GALNT17: variants seen among roughly 807,000 people sequenced by gnomAD.
The protein encoded by GALNT17 is polypeptide N-acetylgalactosaminyltransferase 17.
A neutral mutation model predicts 63.7 loss-of-function variants in GALNT17; 29 were observed. The ratio of observed to expected loss-of-function variants is 0.46; its 90% CI spans 0.34 to 0.62. The LOEUF (loss-of-function observed/expected upper bound fraction) is 0.62. Among genes scored for constraint, GALNT17 ranks in the 20% least tolerant of loss-of-function variants. GALNT17 has a pLI of 0.01. For synonymous variants in GALNT17, 305 were observed against 318.3 expected (o/e 0.96, Z 0.45); for missense variants, 603 against 799.6 (o/e 0.75, Z 2.97).
At chr7:71,661,217 G>C (rs1790903015) in intron 6 of GALNT17, among the ~76,000 whole-genome samples, 1 of 152,206 alleles carries the variant, frequency 6.6e-6, no homozygotes, top group Admixed American at 6.5e-5. Context: ...AGGGCAGGAA[G>C]GGCCAGTGTC....
intron 9 of GALNT17, among the ~76,000 whole-genome samples, chr7:71,685,240 A>C (rs1323995259): frequency 6.6e-6 from 1 of 152,120 alleles, no homozygotes; most frequent in Non-Finnish European, 1.5e-5. Flanking sequence ...GGAAATAATC[A>C]CACAGTTGGC....
At chr7:71,684,474 A>G (rs41456945) in intron 9 of GALNT17, among the ~76,000 whole-genome samples, 5,540 of 152,216 alleles carry the variant, frequency 0.036, 299 homozygotes, top group African/African-American at 0.11. Context: ...AGTGCGGCAT[A>G]CAATGGACTC....
At chr7:71,204,321 T>A (rs751583773) in intron 1 of GALNT17, among the ~76,000 whole-genome samples, 32 of 152,178 alleles carry the variant, frequency 2.1e-4, no homozygotes, top group Non-Finnish European at 3.8e-4. Flanking sequence ...TATTTTGAAA[T>A]CAGGTAGTGT....
At chr7:71,625,287 G>A (rs558100771) in intron 6 of GALNT17, among the ~76,000 whole-genome samples, 1 of 152,078 alleles carries the variant, frequency 6.6e-6, no homozygotes, top group African/African-American at 2.4e-5. Context: ...TGGAATTACA[G>A]ATGTGTGCCA....
intron 3 of GALNT17, among the ~76,000 whole-genome samples, chr7:71,407,342 G>C (rs1176356610): frequency 6.6e-6 from 1 of 152,216 alleles, no homozygotes; most frequent in Non-Finnish European, 1.5e-5. Context: ...CAGCTGACCA[G>C]ACTGGGCTTT....
chr7:71,585,479 T>C (rs1431114358), intron 6 of GALNT17, among the ~76,000 whole-genome samples: 1 of 152,238 alleles, frequency 6.6e-6, no homozygotes, highest in Non-Finnish European at 1.5e-5. Flanking sequence ...TTGTGTATTC[T>C]GAAATACAAT....
intron 1 of GALNT17, among the ~76,000 whole-genome samples, chr7:71,184,057 G>T (rs1284838746): frequency 6.6e-6 from 1 of 152,110 alleles, no homozygotes; most frequent in East Asian, 1.9e-4. Context: ...TCGTTAACGA[G>T]GTAATTAAAT....
intron 9 of GALNT17, among the ~76,000 whole-genome samples, 154 bp downstream of exon 9, chr7:71,677,460 T>C (rs575242469): frequency 6.4e-4 from 97 of 152,278 alleles, no homozygotes; most frequent in African/African-American, 2.3e-3. Flanking sequence ...GTCTTTCTGG[T>C]TATTTCTGTA....
chr7:71,709,589 T>TG (rs1554327314), intron 9 of GALNT17, among the ~76,000 whole-genome samples: 12 of 150,688 alleles, frequency 8.0e-5, no homozygotes, highest in African/African-American at 1.7e-4. Context: ...TTTTTTTTTT[T>TG]GTTTTTTTGG....
chr7:71,464,804 C>G (rs1787508979), intron 5 of GALNT17, among the ~76,000 whole-genome samples: 1 of 151,860 alleles, frequency 6.6e-6, no homozygotes, highest in Non-Finnish European at 1.5e-5. Context: ...GTCTGTTTCC[C>G]TTGTCTAGTC....
intron 2 of GALNT17, among the ~76,000 whole-genome samples, chr7:71,339,289 A>T (rs1356562479): frequency 6.6e-6 from 1 of 152,240 alleles, no homozygotes; most frequent in African/African-American, 2.4e-5. Context: ...TCAGGTCAGC[A>T]CAAGGGTATG....
intron 5 of GALNT17, among the ~76,000 whole-genome samples, chr7:71,469,590 G>A (rs1423130092): frequency 1.3e-5 from 2 of 152,162 alleles, no homozygotes; most frequent in Admixed American, 6.5e-5. Context: ...ATTGCTTAGC[G>A]CTTGCCTTAT....
At chr7:71,191,735 C>T (rs538043229) in intron 1 of GALNT17, among the ~76,000 whole-genome samples, 1 of 152,250 alleles carries the variant, frequency 6.6e-6, no homozygotes, top group Non-Finnish European at 1.5e-5. Flanking sequence ...GCAACTGTGT[C>T]TGCTTTTATA....
intron 5 of GALNT17, among the ~76,000 whole-genome samples, chr7:71,501,676 G>C (rs4719130): frequency 6.6e-6 from 1 of 151,812 alleles, no homozygotes; most frequent in Admixed American, 6.6e-5. Context: ...GTGCAGGGCA[G>C]ACAGGCTCTG....
At chr7:71,663,473 C>T (rs1790938163) in intron 6 of GALNT17, among the ~76,000 whole-genome samples, 1 of 152,154 alleles carries the variant, frequency 6.6e-6, no homozygotes, top group Non-Finnish European at 1.5e-5. Context: ...GGCCCTTTGC[C>T]AACATTTGGC....
At chr7:71,694,149 T>A (rs1031392744) in intron 9 of GALNT17, among the ~76,000 whole-genome samples, 3 of 151,990 alleles carry the variant, frequency 2.0e-5, no homozygotes, top group Non-Finnish European at 2.9e-5. Context: ...CTCCCCTTTA[T>A]AAAACCATCA....
intron 6 of GALNT17, among the ~76,000 whole-genome samples, chr7:71,616,154 G>C (rs1046741959): frequency 6.6e-6 from 1 of 152,204 alleles, no homozygotes; most frequent in South Asian, 2.1e-4. Flanking sequence ...CAGTGGTGAA[G>C]ATCAGAATGC....
intron 1 of GALNT17, among the ~76,000 whole-genome samples, chr7:71,211,881 A>G (rs776676753): frequency 6.6e-5 from 10 of 152,344 alleles, no homozygotes; most frequent in East Asian, 1.9e-4. Context: ...AGCATTCAAG[A>G]CATGACTTGG....
chr7:71,633,183 ATGGCAC>A (rs1176550916), intron 6 of GALNT17, among the ~76,000 whole-genome samples: 1 of 151,956 alleles, frequency 6.6e-6, no homozygotes, highest in Non-Finnish European at 1.5e-5. Context: ...TTCACAGAGA[ATGGCAC>A]TGGGAAGGTG....
Sources: allele counts gnomAD v4.1 joint callset (sites outside exome capture counted in the v4.1 genomes callset), GRCh38; gene constraint gnomAD v4.1.1; transcripts MANE v1.5; gene names NCBI Gene and HGNC (gene_info 2026-07-23, HGNC 2026-07-21).